AFG2A: variants seen among roughly 807,000 people sequenced by gnomAD.
AFG2A encodes the protein ATPase family gene 2 protein homolog A.
the AFG2A span, among the ~76,000 whole-genome samples, chr4:123,039,640 T>G: frequency 3.9e-5 from 6 of 151,956 alleles, no homozygotes; most frequent in East Asian, 1.2e-3. Flanking sequence ...TTTCTTGCTT[T>G]GTACTACAAT....
chr4:123,211,578 G>C, the AFG2A span, among the ~76,000 whole-genome samples: 2 of 152,148 alleles, frequency 1.3e-5, no homozygotes, highest in Admixed American at 1.3e-4. Flanking sequence ...CCACAGCTAA[G>C]AGTAAATGAT....
chr4:122,952,379 G>A, the AFG2A span, among the ~76,000 whole-genome samples: 66,053 of 151,978 alleles, frequency 0.43, 17,028 homozygotes, highest in Non-Finnish European at 0.57. Context: ...CTTCTTCGTG[G>A]ATTAGTCTCA....
the AFG2A span, among the ~76,000 whole-genome samples, chr4:123,087,000 A>G: frequency 3.3e-5 from 5 of 152,096 alleles, no homozygotes; most frequent in African/African-American, 1.2e-4. Flanking sequence ...TAACATATTA[A>G]TCATAGTTTT....
the AFG2A span, among the ~76,000 whole-genome samples, chr4:123,108,268 A>G: frequency 6.6e-6 from 1 of 152,180 alleles, no homozygotes. Context: ...GGCTAACTAG[A>G]TATTTTACAT....
At chr4:123,016,927 C>T in the AFG2A span, among the ~76,000 whole-genome samples, 4 of 152,290 alleles carry the variant, frequency 2.6e-5, no homozygotes, top group South Asian at 8.3e-4. Context: ...GGAGACCAGC[C>T]CGGCCAACAC....
chr4:123,256,205 C>T, the AFG2A span: 1 of 1,609,114 alleles, frequency 6.2e-7, no homozygotes, highest in Non-Finnish European at 8.5e-7. Flanking sequence ...TTCAAAATAC[C>T]TTAGTGGGAG....
the AFG2A span, among the ~76,000 whole-genome samples, chr4:123,119,713 A>T: frequency 2.0e-5 from 3 of 152,184 alleles, no homozygotes; most frequent in Non-Finnish European, 2.9e-5. Context: ...GGCAATAATT[A>T]TGGGATATTT....
At chr4:122,928,416 G>C in the AFG2A span, among the ~76,000 whole-genome samples, 1 of 152,086 alleles carries the variant, frequency 6.6e-6, no homozygotes, top group Non-Finnish European at 1.5e-5. Context: ...TCTCTGATTT[G>C]CTGGGGATCC....
At chr4:123,212,808 C>T in the AFG2A span, among the ~76,000 whole-genome samples, 3 of 152,130 alleles carry the variant, frequency 2.0e-5, no homozygotes, top group Non-Finnish European at 4.4e-5. Context: ...ACTGCACTTT[C>T]ACTGTGCTTA....
At chr4:123,138,283 C>T in the AFG2A span, among the ~76,000 whole-genome samples, 1 of 152,092 alleles carries the variant, frequency 6.6e-6, no homozygotes, top group Non-Finnish European at 1.5e-5. Context: ...GCAATTTGTA[C>T]TCTGAGTCTG....
chr4:122,932,722 T>C, the AFG2A span, among the ~76,000 whole-genome samples: 1 of 152,240 alleles, frequency 6.6e-6, no homozygotes, highest in Non-Finnish European at 1.5e-5. Context: ...GACACAGTTA[T>C]CATTAGGAAG....
At chr4:123,218,366 A>G in the AFG2A span, among the ~76,000 whole-genome samples, 1 of 152,240 alleles carries the variant, frequency 6.6e-6, no homozygotes, top group South Asian at 2.1e-4. Flanking sequence ...TTTTTGTTAG[A>G]GTGTTTTGTT....
the AFG2A span, chr4:123,102,043 C>T: frequency 4.0e-5 from 6 of 151,886 alleles, no homozygotes; most frequent in African/African-American, 1.4e-4. Flanking sequence ...TTTGATATAT[C>T]ATTCAAGCTC....
the AFG2A span, among the ~76,000 whole-genome samples, chr4:123,166,177 G>A: frequency 6.6e-6 from 1 of 152,174 alleles, no homozygotes; most frequent in Non-Finnish European, 1.5e-5. Flanking sequence ...TGACAAAGGA[G>A]ATTAACATTT....
At chr4:123,298,989 ACAGCC>A in the AFG2A span, among the ~76,000 whole-genome samples, 1 of 152,200 alleles carries the variant, frequency 6.6e-6, no homozygotes, top group Admixed American at 6.5e-5. Context: ...TAGGATCATA[ACAGCC>A]CAGTTAATTT....
chr4:123,313,641 C>A, the AFG2A span, among the ~76,000 whole-genome samples: 1 of 152,184 alleles, frequency 6.6e-6, no homozygotes, highest in Non-Finnish European at 1.5e-5. Flanking sequence ...TCTTAGATAT[C>A]TTTTGGCACT....
At chr4:123,248,040 T>A in the AFG2A span, among the ~76,000 whole-genome samples, 1 of 152,358 alleles carries the variant, frequency 6.6e-6, no homozygotes, top group Admixed American at 6.5e-5. Flanking sequence ...CCAAGTCATA[T>A]GCTTCTGTAT....
the AFG2A span, among the ~76,000 whole-genome samples, chr4:122,983,785 A>G: frequency 1.3e-5 from 2 of 152,216 alleles, no homozygotes; most frequent in Non-Finnish European, 2.9e-5. Flanking sequence ...TGAGAGCCCC[A>G]TAGATGGTTC....
At chr4:123,098,134 C>T in the AFG2A span, among the ~76,000 whole-genome samples, 1 of 152,012 alleles carries the variant, frequency 6.6e-6, no homozygotes, top group African/African-American at 2.4e-5. Flanking sequence ...GAAAAAGTTT[C>T]CTGACTCTTG....
Sources: allele counts gnomAD v4.1 joint callset (sites outside exome capture counted in the v4.1 genomes callset), GRCh38; gene constraint gnomAD v4.1.1; transcripts MANE v1.5; gene names NCBI Gene and HGNC (gene_info 2026-07-23, HGNC 2026-07-21).